TENT4B: variants seen among roughly 807,000 people sequenced by gnomAD.
The protein encoded by TENT4B is PAP associated domain containing 5.
In TENT4B, 10 loss-of-function variants were observed where a neutral mutation model predicts 75.0. That is an observed-to-expected ratio of 0.13 (90% CI 0.08 to 0.23). The LOEUF is 0.23. Among genes scored for constraint, TENT4B ranks in the 10% least tolerant of loss-of-function variants. The probability of loss-of-function intolerance (pLI) is 1.00; values close to 1 mark genes in which losing one functional copy is unlikely to be tolerated. For missense variants in TENT4B, 579 were observed against 893.8 expected (o/e 0.65, Z 4.49); for synonymous variants, 350 against 357.7 (o/e 0.98, Z 0.24).
chr16:50,191,953 C>G (rs2038648341), intron 1 of TENT4B, among the ~76,000 whole-genome samples: 1 of 151,194 alleles, frequency 6.6e-6, no homozygotes, highest in African/African-American at 2.4e-5. Context: ...ATATATATAT[C>G]ATTAATAGGC....
chr16:50,233,662 T>C lies in TENT4B; in HGVS notation c.*4334T>C. 1 of 981,566 alleles carries C rather than the reference T, an allele frequency of 1.0e-6. No individual in the cohort carries two copies. The highest frequency in any genetic ancestry group is 1.2e-6 in the Non-Finnish European group (1 of 828,128). 60.8% of individuals were successfully genotyped at this position (981,566 alleles called of 1,614,324 possible). A position where few individuals can be genotyped will look rare whatever the true frequency, so the allele number is the denominator to read the frequency against. On this transcript the variant is annotated 3_prime_UTR_variant, in exon 12 of 12. Coordinates refer to ENST00000561678, the MANE Select transcript of TENT4B (RefSeq NM_001365324.3). Reference sequence around the variant, plus strand: ...TTAGTTAATAAACTGCTAATGTTTATTTTACTGTCTCTCAGGTTTTTGGTT... The same window carrying C: ...TTAGTTAATAAACTGCTAATGTTTACTTTACTGTCTCTCAGGTTTTTGGTT...
intron 1 of TENT4B, among the ~76,000 whole-genome samples, chr16:50,191,149 G>C (rs571596241): frequency 1.3e-5 from 2 of 152,260 alleles, no homozygotes; most frequent in East Asian, 3.9e-4. Context: ...CCTATCGGCT[G>C]TCTTGAATCA....
In TENT4B at chr16:50,231,204, A is replaced by G; in HGVS notation, c.*1876A>G. ...TGATGTTATTTTGACAATGTTTTAA[A>G]TTTTAGAGTCACATTTTATTCTGAT... On this transcript the variant is annotated 3_prime_UTR_variant, in exon 12 of 12. Transcript: ENST00000561678. The G allele has an allele frequency of 1.0e-6, 1 of 985,132 alleles. No individual in the cohort carries two copies. The highest frequency in any genetic ancestry group is 4.7e-5 in the South Asian group (1 of 21,284). The allele number at this position is 985,132 out of a possible 1,614,324, so 61.0% of individuals were successfully genotyped here.
intron 1 of TENT4B, among the ~76,000 whole-genome samples, chr16:50,165,714 T>A (rs372757089): frequency 5.3e-5 from 8 of 152,236 alleles, no homozygotes; most frequent in African/African-American, 1.7e-4. Flanking sequence ...CTCAAACTTA[T>A]CTGTTTCCAA....
chr16:50,165,194 T>C (rs188430756), intron 1 of TENT4B, among the ~76,000 whole-genome samples: 96 of 152,078 alleles, frequency 6.3e-4, no homozygotes, highest in Middle Eastern at 6.8e-3. Flanking sequence ...ATTTATTTAT[T>C]TTTTTTCTTT....
At chr16:50,228,656 C>T (rs967359066) in intron 11 of TENT4B, among the ~76,000 whole-genome samples, 25 of 152,188 alleles carry the variant, frequency 1.6e-4, no homozygotes, top group African/African-American at 5.8e-4. Flanking sequence ...TTCACTTTAC[C>T]TACGCGGCCT....
At chr16:50,186,915 T>C (rs1645417566) in intron 1 of TENT4B, among the ~76,000 whole-genome samples, 1 of 151,954 alleles carries the variant, frequency 6.6e-6, no homozygotes, top group Non-Finnish European at 1.5e-5. Flanking sequence ...ATTTTTCTTT[T>C]TTTAATTTTT....
intron 10 of TENT4B, among the ~76,000 whole-genome samples, chr16:50,226,867 G>A (rs1339222382): frequency 1.3e-5 from 2 of 152,248 alleles, no homozygotes; most frequent in African/African-American, 4.8e-5. Context: ...CCTGCATTTA[G>A]CAGTAGTTTC....
chr16:50,164,100 T>C (rs1460542264), intron 1 of TENT4B, among the ~76,000 whole-genome samples: 1 of 151,896 alleles, frequency 6.6e-6, no homozygotes, highest in African/African-American at 2.4e-5. Flanking sequence ...GAGGTTGCAG[T>C]GAGCAAAGAT....
At position 50,154,032 on chromosome 16, in the gene TENT4B, G is replaced by T. The variant is rs778139166; in HGVS notation, c.411G>T (p.Ser137=). 45 of 1,531,196 alleles carry T rather than the reference G, an allele frequency of 2.9e-5. No homozygotes were observed. Among genetic ancestry groups the T allele is most frequent in the Non-Finnish European group, 3.1e-5 (36 of 1,144,926 alleles). The allele number at this position is 1,531,196 out of a possible 1,614,324, so 94.9% of individuals were successfully genotyped here. Residue 137 remains serine (S), a synonymous_variant, in exon 1 of 12, where the codon TCG becomes TCT. Coordinates refer to ENST00000561678, the MANE Select transcript of TENT4B (RefSeq NM_001365324.3). The part of the protein sequence containing the change: ...SSASSPPSAS[S]SPHPSAAVPA... ...CGTCCTCGCCTCCCTCGGCGTCCTC[G>T]TCCCCGCACCCTTCGGCCGCCGTCC...
chr16:50,214,148 CA>C lies in TENT4B; in HGVS notation c.763-72del. ...AGGGTAGCAAAAACTGACATTTCTC[CA>C]TATCTTGGTGACTCAATATGATAAC... On this transcript the variant is annotated intron_variant, in intron 2 of 11. Transcript: ENST00000561678. 1.2e-5 allele frequency: 14 copies of C among 1,190,380 alleles called. No individual in the cohort carries two copies. In the South Asian group the frequency reaches 1.9e-4, roughly 16 times the overall value. 73.7% of individuals were successfully genotyped at this position (1,190,380 alleles called of 1,614,324 possible). A position where few individuals can be genotyped will look rare whatever the true frequency, so the allele number is the denominator to read the frequency against.
Position 50,228,020 on chromosome 16 carries a change from T to C in TENT4B, c.1965+17T>C, listed in dbSNP as rs527440955. On this transcript the variant is annotated intron_variant, in intron 11 of 11. Coordinates refer to ENST00000561678, the MANE Select transcript of TENT4B (RefSeq NM_001365324.3). ...AAATCTCAGGTGTGTGGAACGTGGG[T>C]TTTTAATTGTTAGTATTTGATACAA... is the stretch of plus-strand genomic sequence containing the variant. 1 of 1,607,446 alleles carries C rather than the reference T, an allele frequency of 6.2e-7. No homozygotes were observed. Among genetic ancestry groups the C allele is most frequent in the South Asian group, 1.1e-5 (1 of 90,518 alleles).
chr16:50,235,037 T>G lies in TENT4B; in HGVS notation c.*5709T>G, dbSNP rs1347216983. ...ACCACTGCAGAGACACTAAGGAATTTACCAGAAAAAGATATTTGATACAAG... is the reference window on the plus strand; with the variant it reads ...ACCACTGCAGAGACACTAAGGAATTGACCAGAAAAAGATATTTGATACAAG... On this transcript the variant is annotated 3_prime_UTR_variant, in exon 12 of 12. Transcript: ENST00000561678. 3.0e-6 allele frequency: 3 copies of G among 985,682 alleles called. No homozygotes were observed. Among genetic ancestry groups the G allele is most frequent in the Non-Finnish European group, 3.6e-6 (3 of 829,864 alleles). The allele number at this position is 985,682 out of a possible 1,614,324, so 61.1% of individuals were successfully genotyped here. A position where few individuals can be genotyped will look rare whatever the true frequency, so the allele number is the denominator to read the frequency against.
At chr16:50,193,259 G>T (rs2029968382) in intron 1 of TENT4B, among the ~76,000 whole-genome samples, 1 of 151,696 alleles carries the variant, frequency 6.6e-6, no homozygotes, top group Non-Finnish European at 1.5e-5. Context: ...TTTGGTTCAG[G>T]CAAAGGACCA....
At chr16:50,155,716 C>T (rs2037885298) in intron 1 of TENT4B, among the ~76,000 whole-genome samples, 1 of 152,146 alleles carries the variant, frequency 6.6e-6, no homozygotes, top group Non-Finnish European at 1.5e-5. Context: ...CCATGGTCAT[C>T]ACGTTTTATT....
chr16:50,197,716 G>A (rs1196978609), intron 1 of TENT4B, among the ~76,000 whole-genome samples: 4 of 152,204 alleles, frequency 2.6e-5, no homozygotes, highest in Non-Finnish European at 4.4e-5. Context: ...GTGATGTACC[G>A]AAAACGGAAG....
chr16:50,207,617 A>G (rs2031054100), intron 1 of TENT4B, among the ~76,000 whole-genome samples: 1 of 152,190 alleles, frequency 6.6e-6, no homozygotes, highest in African/African-American at 2.4e-5. Context: ...GATGTATTTT[A>G]TAATTTCATA....
intron 1 of TENT4B, among the ~76,000 whole-genome samples, chr16:50,155,978 C>G (rs1481658072): frequency 6.6e-6 from 1 of 152,042 alleles, no homozygotes; most frequent in Admixed American, 6.6e-5. Flanking sequence ...AAATTGTCCT[C>G]TCCTCTACTT....
chr16:50,227,755 T>C, intron 10 of TENT4B, 84 bp from the exon 11 acceptor site: 1 of 1,500,998 alleles, frequency 6.7e-7, no homozygotes, highest in South Asian at 1.2e-5. Flanking sequence ...CAGAGAGTAC[T>C]TTAACCAAAA....
Sources: allele counts gnomAD v4.1 joint callset (sites outside exome capture counted in the v4.1 genomes callset), GRCh38; gene constraint gnomAD v4.1.1; transcripts MANE v1.5; gene names NCBI Gene and HGNC (gene_info 2026-07-23, HGNC 2026-07-21).